Variants in RCOR1 observed in about 807,000 individuals in gnomAD.
RCOR1 encodes REST corepressor 1.
Under a neutral mutation model 64.0 loss-of-function variants are expected in RCOR1, and 12 were observed. The observed-to-expected ratio is 0.19, with a 90% CI of 0.12 to 0.30. RCOR1 has a LOEUF of 0.30. Ranked by LOEUF, RCOR1 falls within the 10% of genes least tolerant of loss-of-function variation. The probability of loss-of-function intolerance (pLI) is 1.00; values close to 1 mark genes in which losing one functional copy is unlikely to be tolerated. For synonymous variants in RCOR1, 279 were observed against 227.2 expected, an observed-to-expected ratio of 1.23 and a Z score of -2.05; for missense variants, 502 against 621.2, an observed-to-expected ratio of 0.81 and a Z score of 2.04.
Position 102,644,509 on chromosome 14 carries a change from C to T in RCOR1, c.362-37386C>T, listed in dbSNP as rs576947552. On this transcript the variant is annotated intron_variant, in intron 2 of 11. Coordinates refer to ENST00000262241, the MANE Select transcript of RCOR1 (RefSeq NM_015156.4). Reference sequence around the variant, plus strand: ...TTTGGTCACAATAATTCACATTCCTCCTTCTTGTCACTTGTGCTCACACCC... The same window carrying T: ...TTTGGTCACAATAATTCACATTCCTTCTTCTTGTCACTTGTGCTCACACCC... Among the ~76,000 whole-genome samples, 5 of 152,286 alleles carry T rather than the reference C, an allele frequency of 3.3e-5. No individual in the cohort carries two copies. The South Asian group carries it at 1.0e-3, about 32-fold the overall frequency.
chr14:102,717,720 G>A (rs544572016), intron 8 of RCOR1, among the ~76,000 whole-genome samples: 26 of 152,184 alleles, frequency 1.7e-4, no homozygotes, highest in Admixed American at 1.4e-3. Context: ...AAGAAAAAGA[G>A]GCCTTCCTCT....
chr14:102,614,778 G>T (rs1193605154), intron 2 of RCOR1, among the ~76,000 whole-genome samples: 1 of 151,472 alleles, frequency 6.6e-6, no homozygotes, highest in Non-Finnish European at 1.5e-5. Flanking sequence ...AAAATTTTTT[G>T]ATATACAGCT....
At chr14:102,687,350 G>A (rs189598662) in intron 3 of RCOR1, among the ~76,000 whole-genome samples, 2 of 152,172 alleles carry the variant, frequency 1.3e-5, no homozygotes, top group African/African-American at 4.8e-5. Context: ...TAGATCTCTT[G>A]TCTCCAGACA....
chr14:102,702,518 A>C (rs1157160665), intron 4 of RCOR1, among the ~76,000 whole-genome samples: 1 of 151,056 alleles, frequency 6.6e-6, no homozygotes, highest in African/African-American at 2.4e-5. Flanking sequence ...AAATAAAAGA[A>C]TAACAGCAAT....
chr14:102,634,997 C>T (rs774245046), intron 2 of RCOR1, among the ~76,000 whole-genome samples: 14 of 151,608 alleles, frequency 9.2e-5, no homozygotes, highest in Non-Finnish European at 1.5e-4. Context: ...TGTGAGCCAC[C>T]ATGCCTGGCC....
intron 2 of RCOR1, among the ~76,000 whole-genome samples, chr14:102,659,957 C>T (rs890707576): frequency 2.6e-5 from 4 of 152,142 alleles, no homozygotes; most frequent in East Asian, 3.8e-4. Flanking sequence ...CACTGACTTT[C>T]GTAATAAGAT....
intron 3 of RCOR1, among the ~76,000 whole-genome samples, chr14:102,688,527 G>T (rs1473313251): frequency 6.6e-6 from 1 of 152,154 alleles, no homozygotes. Flanking sequence ...AGGTGTTGAT[G>T]CAATTCCAAG....
At chr14:102,676,354 A>C (rs866876218) in intron 2 of RCOR1, among the ~76,000 whole-genome samples, 10 of 113,648 alleles carry the variant, frequency 8.8e-5, no homozygotes, top group South Asian at 2.8e-4. Context: ...CCCCCCCACC[A>C]CCCTCCCGGA....
chr14:102,617,778 C>T (rs1211543624), intron 2 of RCOR1, among the ~76,000 whole-genome samples: 9 of 151,402 alleles, frequency 5.9e-5, no homozygotes, highest in South Asian at 2.1e-4. Flanking sequence ...TTAGTAGAGA[C>T]GGGGTTTCAC....
chr14:102,709,276 G>A (rs1436130056), intron 6 of RCOR1, among the ~76,000 whole-genome samples: 9 of 152,050 alleles, frequency 5.9e-5, no homozygotes, highest in Admixed American at 1.3e-4. Context: ...TTCAACATGC[G>A]TCTTCCCCAA....
chr14:102,608,722 C>T (rs1355035006), intron 2 of RCOR1, among the ~76,000 whole-genome samples: 1 of 150,860 alleles, frequency 6.6e-6, no homozygotes, highest in South Asian at 2.1e-4. Flanking sequence ...GGTGCCTGGC[C>T]TAATTTTAAA....
intron 2 of RCOR1, among the ~76,000 whole-genome samples, chr14:102,607,979 C>T (rs941243849): frequency 7.2e-5 from 11 of 151,854 alleles, no homozygotes; most frequent in East Asian, 1.9e-4. Context: ...TTGGTTGAAC[C>T]GGGGAGGCAG....
chr14:102,700,551 T>C (rs1895736665), intron 3 of RCOR1, among the ~76,000 whole-genome samples: 1 of 152,182 alleles, frequency 6.6e-6, no homozygotes, highest in South Asian at 2.1e-4. Context: ...AAATTATTTG[T>C]AGAGACAGGA....
chr14:102,673,612 G>A (rs535397947), intron 2 of RCOR1, among the ~76,000 whole-genome samples: 11 of 151,818 alleles, frequency 7.2e-5, no homozygotes, highest in African/African-American at 2.7e-4. Flanking sequence ...TGGGATTACA[G>A]GCGTGAGCCA....
At chr14:102,653,944 TTTC>T (rs1894652165) in intron 2 of RCOR1, among the ~76,000 whole-genome samples, 1 of 39,476 alleles carries the variant, frequency 2.5e-5, no homozygotes, top group Non-Finnish European at 4.7e-5. Context: ...TCTTTCTTTC[TTTC>T]TTTCTTTCTT....
rs930133489 is a variant in RCOR1 at position 102,710,674 on chromosome 14, T to A, written c.780-261T>A. Reference sequence around the variant, plus strand: ...TTACAGATATAGAGCAATAGTGTTTTAGATCTGGATTGGGAAGTTAGGAAT... The same window carrying A: ...TTACAGATATAGAGCAATAGTGTTTAAGATCTGGATTGGGAAGTTAGGAAT... On this transcript the variant is annotated intron_variant, in intron 6 of 11. Transcript: ENST00000262241. The A allele has an allele frequency of 1.3e-4, 53 of 416,750 alleles. 1 individual carries two copies. Among genetic ancestry groups the A allele is most frequent in the Admixed American group, 9.5e-4 (22 of 23,252 alleles). 25.8% of individuals were successfully genotyped at this position (416,750 alleles called of 1,614,324 possible).
intron 3 of RCOR1, among the ~76,000 whole-genome samples, chr14:102,694,423 A>AT (rs1480804100): frequency 2.0e-5 from 3 of 151,852 alleles, no homozygotes; most frequent in African/African-American, 4.8e-5. Context: ...TGCCCGGCTA[A>AT]TTTTTTTGTT....
intron 1 of RCOR1, 21 bp from the exon 2 acceptor site, chr14:102,593,245 C>G (rs1325515746): frequency 6.6e-7 from 1 of 1,507,908 alleles, no homozygotes; most frequent in African/African-American, 1.4e-5. Flanking sequence ...CGCTGACCGC[C>G]GTATTCTGCT....
chr14:102,720,384 C>T (rs748826470), intron 8 of RCOR1, among the ~76,000 whole-genome samples: 1 of 152,164 alleles, frequency 6.6e-6, no homozygotes, highest in African/African-American at 2.4e-5. Flanking sequence ...GAAAGATTAC[C>T]TTGAGCCAAG....
Sources: allele counts gnomAD v4.1 joint callset (sites outside exome capture counted in the v4.1 genomes callset), GRCh38; gene constraint gnomAD v4.1.1; transcripts MANE v1.5; gene names NCBI Gene and HGNC (gene_info 2026-07-23, HGNC 2026-07-21).